Variants in DZIP1 observed in about 807,000 individuals in gnomAD.
DZIP1 encodes the protein DAZ interacting zinc finger protein 1, also known as cilium assembly protein DZIP1.
Under a neutral mutation model 107.6 loss-of-function variants are expected in DZIP1, and 97 were observed. The ratio of observed to expected loss-of-function variants is 0.90; its 90% CI spans 0.77 to 1.07. The LOEUF (loss-of-function observed/expected upper bound fraction) is 1.07, where lower values mean the gene tolerates loss of function less well. DZIP1 is among the 50% of genes least tolerant of loss of function. The probability of loss-of-function intolerance (pLI) is 0.00; values close to 1 mark genes in which losing one functional copy is unlikely to be tolerated. For synonymous variants in DZIP1, 390 were observed against 386.4 expected, an observed-to-expected ratio of 1.01 and a Z score of -0.11; for missense variants, 1,035 against 1,063.6, an observed-to-expected ratio of 0.97 and a Z score of 0.37.
At chr13:95,643,866 T>C (rs1396360665) in intron 1 of DZIP1, among the ~76,000 whole-genome samples, 168 bp from the exon 2 acceptor site, 1 of 152,210 alleles carries the variant, frequency 6.6e-6, no homozygotes, top group African/African-American at 2.4e-5. Context: ...ACCCATGATC[T>C]GGGCCAAGGG....
At chr13:95,609,183 C>G (rs2044895511) in intron 13 of DZIP1, among the ~76,000 whole-genome samples, 1 of 152,208 alleles carries the variant, frequency 6.6e-6, no homozygotes, top group Non-Finnish European at 1.5e-5. Flanking sequence ...CAAGTATAAA[C>G]TAAGGTGATG....
At chr13:95,583,726 C>G (rs1004743293) in intron 22 of DZIP1, among the ~76,000 whole-genome samples, 1 of 152,124 alleles carries the variant, frequency 6.6e-6, no homozygotes, top group East Asian at 1.9e-4. Flanking sequence ...CAGACTAATA[C>G]AGAGAGACTG....
intron 10 of DZIP1, chr13:95,617,953 C>A (rs182691947): frequency 1.9e-6 from 1 of 518,988 alleles, no homozygotes; most frequent in Non-Finnish European, 3.8e-6. Flanking sequence ...TCTGGAGGAA[C>A]GAGGGTGCCA....
At position 95,630,560 on chromosome 13, in the gene DZIP1, GACC is replaced by G. The variant is rs1285868503; in HGVS notation, c.686-450_686-448del. The stretch of plus-strand genomic sequence containing the variant: ...TAGGTGCCCGCTGAACTCTTCTGAG[GACC>G]CCATCAGTGCTAATACAAGCAGAGG... On this transcript the variant is annotated intron_variant, in intron 6 of 22. Coordinates refer to ENST00000376829, the MANE Select transcript of DZIP1 (RefSeq NM_198968.4). Among the ~76,000 whole-genome samples, 1,239 of 152,126 alleles carry G rather than the reference GACC, an allele frequency of 8.1e-3. 8 individuals carry two copies. Among genetic ancestry groups the G allele is most frequent in the Admixed American group, 0.014 (216 of 15,278 alleles).
At position 95,593,976 on chromosome 13, in the gene DZIP1, T is replaced by C; in HGVS notation, c.1648A>G (p.Met550Val). 1 of 1,611,056 alleles carries C rather than the reference T, an allele frequency of 6.2e-7. No homozygotes were observed. Among genetic ancestry groups the C allele is most frequent in the South Asian group, 1.1e-5 (1 of 90,238 alleles). Reference protein sequence around the residue: ...GLRTMVEQNLMEKLETLGINA... With the variant: ...GLRTMVEQNLVEKLETLGINA... ...ATCCCCAAGGTTTCCAGTTTCTCCA[T>C]CAAGTTCTGCTCCACCATTGTTCTT... The change falls in exon 16 of 23, where the codon ATG becomes GTG. Residue 550 changes from methionine to valine, a missense_variant. Met to Val is a conservative substitution (Grantham distance 21). Coordinates refer to ENST00000376829, the MANE Select transcript of DZIP1 (RefSeq NM_198968.4).
intron 14 of DZIP1, among the ~76,000 whole-genome samples, chr13:95,605,366 T>A (rs567076842): frequency 3.8e-4 from 58 of 152,326 alleles, no homozygotes; most frequent in Admixed American, 1.7e-3. Context: ...TTAAAGAACA[T>A]ACTATAAAAA....
In DZIP1 at chr13:95,627,334, C is replaced by T. The variant is rs575003443; in HGVS notation, c.811-2405G>A. Among the ~76,000 whole-genome samples the T allele has an allele frequency of 1.2e-4, 18 of 152,270 alleles. No individual in the cohort carries two copies. In the South Asian group the frequency reaches 2.3e-3, roughly 19 times the overall value. ...TGCAAAAGTATAAAGTTGGGCCCCT[C>T]TCTCAATCTACATGCAAAAATTAAC... On this transcript the variant is annotated intron_variant, in intron 7 of 22. Transcript: ENST00000376829.
At chr13:95,582,806 G>T (rs2044046198) in intron 22 of DZIP1, among the ~76,000 whole-genome samples, 1 of 152,204 alleles carries the variant, frequency 6.6e-6, no homozygotes, top group Admixed American at 6.5e-5. Flanking sequence ...AGAGTGCAGA[G>T]AATTCCACTC....
chr13:95,639,420 G>A (rs916014468), intron 5 of DZIP1, among the ~76,000 whole-genome samples: 2 of 151,832 alleles, frequency 1.3e-5, no homozygotes, highest in Non-Finnish European at 1.5e-5. Flanking sequence ...GTGAAACCTC[G>A]TCTCTACTAA....
intron 14 of DZIP1, among the ~76,000 whole-genome samples, chr13:95,604,998 T>C (rs1594677837): frequency 6.6e-6 from 1 of 152,194 alleles, no homozygotes; most frequent in Non-Finnish European, 1.5e-5. Flanking sequence ...AGAAGATCAA[T>C]ATGTGGAGAA....
At chr13:95,625,185 G>A (rs1876385359) in intron 7 of DZIP1, among the ~76,000 whole-genome samples, 2 of 152,074 alleles carry the variant, frequency 1.3e-5, no homozygotes, top group African/African-American at 2.4e-5. Flanking sequence ...AGCTTTTTGT[G>A]TTCTATGAAC....
Position 95,628,596 on chromosome 13 carries a change from A to G in DZIP1, c.810+1393T>C, listed in dbSNP as rs146672270. Among the ~76,000 whole-genome samples the G allele has an allele frequency of 4.4e-3, 667 of 152,336 alleles. 8 individuals carry two copies. The highest frequency in any genetic ancestry group is 0.015 in the African/African-American group (641 of 41,568). ...TTGGTATACCCTTGTTCATAGCAGC[A>G]TCAGTCATAATAGTTAAGAAGTGGA... On this transcript the variant is annotated intron_variant, in intron 7 of 22. Transcript: ENST00000376829.
intron 10 of DZIP1, among the ~76,000 whole-genome samples, chr13:95,614,862 A>G (rs919975399): frequency 2.0e-5 from 3 of 152,222 alleles, no homozygotes; most frequent in African/African-American, 7.2e-5. Flanking sequence ...CAAGAATCTA[A>G]GTAAATCAAT....
Position 95,622,359 on chromosome 13 carries a change from TG to T in DZIP1, c.1093del (p.Gln365SerfsTer32). ...TGCACGTACCTGACTATCAAGAAGCTGCATGACATTATGGAAATCCTGGGGA... is the reference window on the plus strand; with the variant it reads ...TGCACGTACCTGACTATCAAGAAGCTCATGACATTATGGAAATCCTGGGGA... ...PYPQDFHNVM[Q>X]LLDSQESKWT... On this transcript the variant is annotated frameshift_variant, in exon 9 of 23. Coordinates refer to ENST00000376829, the MANE Select transcript of DZIP1 (RefSeq NM_198968.4). LOFTEE classifies it high-confidence loss of function. The T allele has an allele frequency of 3.1e-6, 5 of 1,614,208 alleles. No homozygotes were observed. The highest frequency in any genetic ancestry group is 3.4e-6 in the Non-Finnish European group (4 of 1,180,022).
chr13:95,579,164 A>C lies in DZIP1; in HGVS notation c.*3070T>G, dbSNP rs2043980034. The C allele has an allele frequency of 6.6e-6, 1 of 152,238 alleles. No individual in the cohort carries two copies. The highest frequency in any genetic ancestry group is 1.5e-5 in the Non-Finnish European group (1 of 68,048). The allele number at this position is 152,238 out of a possible 1,614,324, so 9.4% of individuals were successfully genotyped here. On this transcript the variant is annotated 3_prime_UTR_variant, in exon 23 of 23. Transcript: ENST00000376829. ...GCATAAATGGGTTAAGGACATCCCA[A>C]GCCCAAGTGGTACGTGCCTCACTCA...
At chr13:95,583,556 A>T (rs1052157932) in intron 22 of DZIP1, among the ~76,000 whole-genome samples, 3 of 151,168 alleles carry the variant, frequency 2.0e-5, no homozygotes, top group Non-Finnish European at 4.4e-5. Flanking sequence ...TTTCTAATTT[A>T]AAAAAAAATT....
At chr13:95,607,017 A>G (rs1360255110) in intron 13 of DZIP1, among the ~76,000 whole-genome samples, 2 of 151,884 alleles carry the variant, frequency 1.3e-5, no homozygotes, top group African/African-American at 4.8e-5. Context: ...ACCCTAAAAA[A>G]TACTGGCCAC....
At position 95,580,897 on chromosome 13, in the gene DZIP1, G is replaced by T. The variant is rs1421316815; in HGVS notation, c.*1337C>A. 1 of 152,150 alleles carries T rather than the reference G, an allele frequency of 6.6e-6. No homozygotes were observed. The highest frequency in any genetic ancestry group is 2.4e-5 in the African/African-American group (1 of 41,416). The allele number at this position is 152,150 out of a possible 1,614,324, so 9.4% of individuals were successfully genotyped here. On this transcript the variant is annotated 3_prime_UTR_variant, in exon 23 of 23. Coordinates refer to ENST00000376829, the MANE Select transcript of DZIP1 (RefSeq NM_198968.4). ...AAAGTGAGTATATCTGCATGAAATGGCCCCTATAGGAAGTTGGAAGGATTC... is the reference window on the plus strand; with the variant it reads ...AAAGTGAGTATATCTGCATGAAATGTCCCCTATAGGAAGTTGGAAGGATTC...
At chr13:95,589,093 G>A in intron 19 of DZIP1, 61 bp downstream of exon 19, 1 of 1,354,278 alleles carries the variant, frequency 7.4e-7, no homozygotes, top group East Asian at 2.3e-5. Flanking sequence ...ACTTTAAAAT[G>A]AAAGGAATGT....
Sources: allele counts gnomAD v4.1 joint callset (sites outside exome capture counted in the v4.1 genomes callset), GRCh38; gene constraint gnomAD v4.1.1; transcripts MANE v1.5; gene names NCBI Gene and HGNC (gene_info 2026-07-23, HGNC 2026-07-21).